LUZP1: variants seen among roughly 807,000 people sequenced by gnomAD.
LUZP1 encodes the protein leucine zipper protein 1.
A neutral mutation model predicts 71.3 loss-of-function variants in LUZP1; 25 were observed. The observed-to-expected ratio is 0.35, with a 90% CI of 0.26 to 0.49. The LOEUF is 0.49. Among genes scored for constraint, LUZP1 ranks in the 20% least tolerant of loss-of-function variants. The pLI, the probability that LUZP1 is intolerant of heterozygous loss-of-function variation, is 0.99. For synonymous variants in LUZP1, 481 were observed against 506.4 expected, an observed-to-expected ratio of 0.95 and a Z score of 0.67; for missense variants, 1,142 against 1,300.8, an observed-to-expected ratio of 0.88 and a Z score of 1.88.
intron 3 of LUZP1, among the ~76,000 whole-genome samples, chr1:23,106,454 A>G (rs1643982692): frequency 6.6e-6 from 1 of 152,010 alleles, no homozygotes; most frequent in African/African-American, 2.4e-5. Context: ...AAAATACAAA[A>G]TTTAGCTGGG....
intron 1 of LUZP1, among the ~76,000 whole-genome samples, chr1:23,176,913 CCT>C: frequency 6.6e-6 from 1 of 152,146 alleles, no homozygotes; most frequent in Admixed American, 6.5e-5. Flanking sequence ...CAGGGTCTGG[CCT>C]CTGTCACCCA....
chr1:23,089,636 G>C (rs1050720743), intron 4 of LUZP1, among the ~76,000 whole-genome samples: 1 of 151,720 alleles, frequency 6.6e-6, no homozygotes, highest in East Asian at 1.9e-4. Flanking sequence ...ACTGTCTCCC[G>C]GGCTGGAGTG....
intron 1 of LUZP1, among the ~76,000 whole-genome samples, chr1:23,170,895 A>G (rs2148223079): frequency 1.3e-5 from 2 of 151,952 alleles, no homozygotes; most frequent in Admixed American, 1.3e-4. Context: ...GTTTGAGACC[A>G]GCCTGGGCAA....
chr1:23,155,446 C>T (rs1644413893), intron 2 of LUZP1, among the ~76,000 whole-genome samples: 1 of 152,186 alleles, frequency 6.6e-6, no homozygotes, highest in Admixed American at 6.5e-5. Flanking sequence ...TTGGGTCAAA[C>T]CGATCTCACA....
chr1:23,115,675 G>C (rs1644072012), intron 2 of LUZP1, among the ~76,000 whole-genome samples: 1 of 152,028 alleles, frequency 6.6e-6, no homozygotes, highest in Non-Finnish European at 1.5e-5. Context: ...CGAGTAGCTG[G>C]GATTACCGGT....
exon 4 of LUZP1, chr1:23,092,568 C>T: frequency 6.2e-7 from 1 of 1,614,188 alleles, no homozygotes; most frequent in Middle Eastern, 1.6e-4. Context: ...GGCCAGGGCT[C>T]CAATGGCCTT....
intron 2 of LUZP1, among the ~76,000 whole-genome samples, chr1:23,121,282 T>C (rs1263567945): frequency 6.6e-6 from 1 of 152,248 alleles, no homozygotes; most frequent in African/African-American, 2.4e-5. Flanking sequence ...GTTTTCTCCA[T>C]ACCATTCTAA....
intron 2 of LUZP1, among the ~76,000 whole-genome samples, chr1:23,124,752 T>C (rs945768778): frequency 6.6e-6 from 1 of 152,144 alleles, no homozygotes; most frequent in Non-Finnish European, 1.5e-5. Flanking sequence ...ATTACTCAAC[T>C]AGATGGCTCC....
At position 23,139,020 on chromosome 1, in the gene LUZP1, ATATATAT is replaced by A. The variant is rs367875208; in HGVS notation, c.-226+29739_-226+29745del. Among the ~76,000 whole-genome samples, 301 of 50,478 alleles carry A rather than the reference ATATATAT, an allele frequency of 6.0e-3. 5 individuals are homozygous for A. The highest frequency in any genetic ancestry group is 0.016 in the East Asian group (30 of 1,838). The allele number at this position is 50,478 out of a possible 152,430, so 33.1% of individuals were successfully genotyped here. A position where few individuals can be genotyped will look rare whatever the true frequency, so the allele number is the denominator to read the frequency against. ...CTCAAAAAAAAAAAAAAAAAAAAAA[ATATATAT>A]ATATATATATATATATATACACACA... On this transcript the variant is annotated intron_variant, in intron 2 of 4. Transcript: ENST00000302291.
At chr1:23,087,951 A>G (rs1643791426) in exon 5 of LUZP1, 1 of 152,680 alleles carries the variant, frequency 6.5e-6, no homozygotes, top group Non-Finnish European at 1.5e-5. Flanking sequence ...CATGCCTCTC[A>G]TGGAGCTATT....
At chr1:23,138,145 T>C (rs192192215) in intron 2 of LUZP1, among the ~76,000 whole-genome samples, 2 of 152,204 alleles carry the variant, frequency 1.3e-5, no homozygotes, top group Admixed American at 1.3e-4. Context: ...TAATTTTTTT[T>C]TGTATTTTAG....
chr1:23,091,353 A>AAAAC lies in LUZP1; in HGVS notation c.2908_2909insGTTT (p.Leu970ArgfsTer4). On this transcript the variant is annotated frameshift_variant, in exon 4 of 5. Transcript: ENST00000302291. LOFTEE classifies it high-confidence loss of function. ...TACCCTTCGAGTGCCCTGCTCAAAA[A>AAAAC]GGCAGGACCTGGGCTGTTCGAGTTC... 6.2e-7 allele frequency: 1 copy of AAAAC among 1,614,158 alleles called. No homozygotes were observed. Among genetic ancestry groups the AAAAC allele is most frequent in the Non-Finnish European group, 8.5e-7 (1 of 1,180,012 alleles).
intron 2 of LUZP1, among the ~76,000 whole-genome samples, chr1:23,126,297 A>G (rs1644171375): frequency 2.0e-5 from 3 of 152,180 alleles, no homozygotes; most frequent in Admixed American, 6.5e-5. Context: ...AAAACACACT[A>G]TGTTGGCTCC....
At position 23,117,678 on chromosome 1, in the gene LUZP1, C is replaced by T. The variant is rs182868331; in HGVS notation, c.-225-8551G>A. 4.2e-3 allele frequency among the ~76,000 whole-genome samples: 642 copies of T among 152,168 alleles called. 29 individuals carry two copies. The highest frequency in any genetic ancestry group is 0.04 in the Admixed American group (605 of 15,288). ...CAAGTCAGAATAATCAGGCTCTGTG[C>T]CAGTTCTGCCTCCCACCCCTAAGCC... On this transcript the variant is annotated intron_variant, in intron 2 of 4. Coordinates refer to ENST00000302291, the Ensembl canonical transcript of LUZP1.
intron 1 of LUZP1, among the ~76,000 whole-genome samples, chr1:23,170,246 G>T (rs896829672): frequency 6.6e-6 from 1 of 152,166 alleles, no homozygotes; most frequent in Non-Finnish European, 1.5e-5. Context: ...TGTTTGTGGA[G>T]CTCAAGCTCT....
chr1:23,093,347 A>G lies in LUZP1; in HGVS notation c.915T>C (p.Phe305=), dbSNP rs750003230. 1 of 1,612,978 alleles carries G rather than the reference A, an allele frequency of 6.2e-7. No individual in the cohort carries two copies. Among genetic ancestry groups the G allele is most frequent in the East Asian group, 2.2e-5 (1 of 44,880 alleles). ...TCTTAAGCTCTTCTTCCAACGATTCAAAGTGTTTGATTTGTGTCTTAAGTT... is the reference window on the plus strand; with the variant it reads ...TCTTAAGCTCTTCTTCCAACGATTCGAAGTGTTTGATTTGTGTCTTAAGTT... The change falls in exon 4 of 5, where the codon TTT becomes TTC. Residue 305 remains phenylalanine (F), a synonymous_variant. Transcript: ENST00000302291. This position sits in a 1 kb window ranked among gnomAD's most constrained non-coding sequence, Gnocchi z 4.2.
chr1:23,116,049 G>C (rs1212818634), intron 2 of LUZP1, among the ~76,000 whole-genome samples: 1 of 152,160 alleles, frequency 6.6e-6, no homozygotes, highest in East Asian at 1.9e-4. Context: ...AGGAGTTTGA[G>C]ACCAGCCTGG....
At chr1:23,155,710 G>A (rs992173519) in intron 2 of LUZP1, among the ~76,000 whole-genome samples, 7 of 152,144 alleles carry the variant, frequency 4.6e-5, no homozygotes, top group African/African-American at 1.4e-4. Flanking sequence ...CAGCTACTCG[G>A]AAGGCTGAGA....
chr1:23,157,826 C>T (rs1425038842), intron 2 of LUZP1, among the ~76,000 whole-genome samples: 1 of 141,156 alleles, frequency 7.1e-6, no homozygotes, highest in Admixed American at 7.4e-5. Flanking sequence ...AAAAATAATA[C>T]ATAAATCTTG....
Sources: allele counts gnomAD v4.1 joint callset (sites outside exome capture counted in the v4.1 genomes callset), GRCh38; gene constraint gnomAD v4.1.1; non-coding constraint Gnocchi (gnomAD v3.1); transcripts MANE v1.5; gene names NCBI Gene and HGNC (gene_info 2026-07-23, HGNC 2026-07-21).